NACA: variants seen among roughly 807,000 people sequenced by gnomAD.
NACA encodes nascent polypeptide-associated complex subunit alpha.
In NACA, 42 loss-of-function variants were observed where a neutral mutation model predicts 86.4. The observed-to-expected ratio is 0.49, with a 90% CI of 0.38 to 0.63. The LOEUF (loss-of-function observed/expected upper bound fraction) is 0.63, where lower values mean the gene tolerates loss of function less well. NACA is among the 20% of genes least tolerant of loss of function. NACA has a pLI of 0.00. For synonymous variants in NACA, 898 were observed against 973.7 expected (o/e 0.92, Z 1.45); for missense variants, 2,157 against 2,483.6 (o/e 0.87, Z 2.80).
Position 56,717,336 on chromosome 12 carries a change from G to C in NACA, c.4194C>G (p.Pro1398=). The C allele has an allele frequency of 1.5e-6, 2 of 1,369,104 alleles. No homozygotes were observed. The highest frequency in any genetic ancestry group is 6.5e-5 in the East Asian group (2 of 30,860). 84.8% of individuals were successfully genotyped at this position (1,369,104 alleles called of 1,614,324 possible). ...SPKRGPAIPS[P]KGDPTSPAVI... ...CTGCTGGGGAAGTGGGGTCCCCTTT[G>C]GGAGATGGGATAGCTGGTCCTCTTT... The change falls in exon 3 of 9, where the codon CCC becomes CCG. Residue 1398 remains proline, a synonymous_variant. Transcript: ENST00000454682.
chr12:56,719,169 C>CA lies in NACA; in HGVS notation c.2360dup (p.Thr788AspfsTer5). ...GAGATGGGGAATCAGCTAGGTAAGT[C>CA]AGAGTTCCTTTGGAAGATGCAGTAG... On this transcript the variant is annotated frameshift_variant, in exon 3 of 9. Transcript: ENST00000454682. LOFTEE classifies it high-confidence loss of function. 1 of 1,468,298 alleles carries CA rather than the reference C, an allele frequency of 6.8e-7. No individual in the cohort carries two copies. Among genetic ancestry groups the CA allele is most frequent in the Non-Finnish European group, 9.2e-7 (1 of 1,085,860 alleles). The allele number at this position is 1,468,298 out of a possible 1,614,324, so 91.0% of individuals were successfully genotyped here.
chr12:56,714,048 T>C (rs966909423), intron 5 of NACA: 5 of 381,548 alleles, frequency 1.3e-5, no homozygotes, highest in East Asian at 1.1e-4. Flanking sequence ...GGTTTCGCCA[T>C]GTTGGCCAGG....
chr12:56,712,478 A>T lies in NACA; in HGVS notation c.*60T>A. 6.4e-7 allele frequency: 1 copy of T among 1,552,806 alleles called. No individual in the cohort carries two copies. The highest frequency in any genetic ancestry group is 1.7e-5 in the Admixed American group (1 of 57,326). On this transcript the variant is annotated 3_prime_UTR_variant, in exon 9 of 9. Coordinates refer to ENST00000454682, the MANE Select transcript of NACA (RefSeq NM_001365896.1). Reference sequence around the variant, plus strand: ...CTTTATTTATGATAGAAACAGTACAAATTTCAAACCAAGCTGCAGTTACTC... The same window carrying T: ...CTTTATTTATGATAGAAACAGTACATATTTCAAACCAAGCTGCAGTTACTC...
chr12:56,713,372 T>TAG (rs1953267791), intron 6 of NACA, 165 bp downstream of exon 6: 9 of 1,181,860 alleles, frequency 7.6e-6, no homozygotes, highest in Admixed American at 2.6e-5. Context: ...AACTAGGGGG[T>TAG]AGTTAGGTCT....
At position 56,719,512 on chromosome 12, in the gene NACA, G is replaced by C; in HGVS notation, c.2018C>G (p.Ala673Gly). The C allele has an allele frequency of 1.9e-6, 3 of 1,613,942 alleles. No homozygotes were observed. The highest frequency in any genetic ancestry group is 8.5e-7 in the Non-Finnish European group (1 of 1,179,874). ...AKGTSTYTTTASPFLEGTVSL... is the reference protein window; with the variant it reads ...AKGTSTYTTTGSPFLEGTVSL... The stretch of plus-strand genomic sequence containing the variant: ...GACAGTTCCTTCTAGAAAAGGGCTG[G>C]CTGTAGTTGTATAAGTTGAGGTACC... The change falls in exon 3 of 9, where the codon GCC (alanine) becomes GGC (glycine). Residue 673 changes from alanine to glycine, a missense_variant. By Grantham distance (60) the Ala-to-Gly change is moderately conservative. Coordinates refer to ENST00000454682, the MANE Select transcript of NACA (RefSeq NM_001365896.1).
chr12:56,721,647 G>A (rs1461086411), intron 2 of NACA, among the ~76,000 whole-genome samples, 188 bp from the exon 3 acceptor site: 3 of 152,124 alleles, frequency 2.0e-5, no homozygotes, highest in African/African-American at 7.2e-5. Context: ...ATTTTTCAGT[G>A]GTCAAGTGAG....
chr12:56,715,077 C>G (rs1346640593), intron 3 of NACA, among the ~76,000 whole-genome samples: 1 of 152,178 alleles, frequency 6.6e-6, no homozygotes, highest in African/African-American at 2.4e-5. Flanking sequence ...CCCAGATACA[C>G]TTAAGTGAAA....
intron 3 of NACA, among the ~76,000 whole-genome samples, chr12:56,715,023 C>T (rs1012285035): frequency 4.6e-5 from 7 of 152,154 alleles, no homozygotes; most frequent in African/African-American, 1.7e-4. Flanking sequence ...TAAAATTTTA[C>T]CCAATAGTCC....
In NACA at chr12:56,721,120, A is replaced by T. The variant is rs999502399; in HGVS notation, c.410T>A (p.Leu137Ter). ...GTGGGGAGCCAGGGCAACCAGAGCT[A>T]AGGGAGCTGAAGAGGAAGGGGTCCC... ...LKGTPSSSAPLALVALAPHSV... is the reference protein window; with the variant it reads ...LKGTPSSSAP The change falls in exon 3 of 9, where the codon TTA becomes TAA. Residue 137 changes from leucine to a stop codon, truncating the protein, a stop_gained. Coordinates refer to ENST00000454682, the MANE Select transcript of NACA (RefSeq NM_001365896.1). LOFTEE classifies it high-confidence loss of function. The T allele has an allele frequency of 1.2e-5, 19 of 1,613,730 alleles. No individual in the cohort carries two copies. The highest frequency in any genetic ancestry group is 1.5e-5 in the Non-Finnish European group (18 of 1,179,824).
intron 2 of NACA, among the ~76,000 whole-genome samples, chr12:56,722,447 C>G (rs773999938): frequency 1.3e-5 from 2 of 152,128 alleles, no homozygotes; most frequent in South Asian, 2.1e-4. Flanking sequence ...CCCAGCACTT[C>G]GGGATGCCTG....
At chr12:56,714,737 A>C in intron 3 of NACA, 50 bp from the exon 4 acceptor site, 1 of 1,555,096 alleles carries the variant, frequency 6.4e-7, no homozygotes, top group Non-Finnish European at 8.9e-7. Context: ...TTATAAGAGA[A>C]GGTACTTCAC....
chr12:56,720,482 A>G lies in NACA; in HGVS notation c.1048T>C (p.Tyr350His). Reference sequence around the variant, plus strand: ...GGAATTACAGATCTCTGAGAAGGATAAGAGGCCCCTGTGGAAGAATGATCT... The same window carrying G: ...GGAATTACAGATCTCTGAGAAGGATGAGAGGCCCCTGTGGAAGAATGATCT... Reference protein sequence around the residue: ...SVDHSSTGASYPSQRSVIPPL... With the variant: ...SVDHSSTGASHPSQRSVIPPL... Residue 350 changes from tyrosine (Y) to histidine (H), a missense_variant, in exon 3 of 9, where the codon TAT (tyrosine) becomes CAT (histidine). Transcript: ENST00000454682. 6.2e-7 allele frequency: 1 copy of G among 1,613,800 alleles called. No homozygotes were observed.
At chr12:56,714,316 G>A (rs1235427769) in intron 5 of NACA, 46 bp downstream of exon 5, 2 of 1,580,272 alleles carry the variant, frequency 1.3e-6, no homozygotes, top group Non-Finnish European at 1.7e-6. Context: ...GTTCCACTCT[G>A]TATAAAGGTG....
Position 56,712,792 on chromosome 12 carries a change from C to G in NACA, c.6216G>C (p.Ala2072=), listed in dbSNP as rs760650214. Residue 2072 remains alanine, a synonymous_variant, in exon 8 of 9, where the codon GCG becomes GCC. Transcript: ENST00000454682. ...CAAAGGCTTGAACACTTACCATAATCGCATTTACAATATCATTACTGTTGT... is the reference window on the plus strand; with the variant it reads ...CAAAGGCTTGAACACTTACCATAATGGCATTTACAATATCATTACTGTTGT... The part of the protein sequence containing the change: ...LKNNSNDIVN[A]IMELTM 1 of 1,614,184 alleles carries G rather than the reference C, an allele frequency of 6.2e-7. No homozygotes were observed. Among genetic ancestry groups the G allele is most frequent in the African/African-American group, 1.3e-5 (1 of 75,042 alleles).
At chr12:56,715,104 G>A (rs1056613449) in intron 3 of NACA, among the ~76,000 whole-genome samples, 7 of 152,162 alleles carry the variant, frequency 4.6e-5, no homozygotes, top group Non-Finnish European at 1.0e-4. Context: ...AAATCACACC[G>A]TGGAGGCACA....
At chr12:56,713,785 TGAGAA>T (rs1953277956) in intron 5 of NACA, 102 bp from the exon 6 acceptor site, 2 of 1,187,420 alleles carry the variant, frequency 1.7e-6, no homozygotes, top group South Asian at 2.9e-5. Context: ...TTCCCCAGGC[TGAGAA>T]AAGTTCATAC....
rs146807178 is a variant in NACA, at chr12:56,720,807, G to A, written c.723C>T (p.Ile241=). ...TGGTATCTTTGACTTGAGGGGAAGC[G>A]ATGGCTAGGGTAGTTGTGGGTGTTG... ...PQTTPTTTLA[I]ASPQVKDTTI... is the part of the protein sequence containing the mutation. The change falls in exon 3 of 9, where the codon ATC becomes ATT. Residue 241 remains isoleucine, a synonymous_variant. Coordinates refer to ENST00000454682, the MANE Select transcript of NACA (RefSeq NM_001365896.1). 8.7e-6 allele frequency: 14 copies of A among 1,613,992 alleles called. No individual in the cohort carries two copies. Among genetic ancestry groups the A allele is most frequent in the South Asian group, 3.3e-5 (3 of 91,086 alleles).
chr12:56,713,783 G>T, intron 5 of NACA, 100 bp from the exon 6 acceptor site: 2 of 1,198,708 alleles, frequency 1.7e-6, no homozygotes, highest in Non-Finnish European at 2.4e-6. Context: ...CTTTCCCCAG[G>T]CTGAGAAAAG....
At chr12:56,713,479 G>C in intron 6 of NACA, 58 bp downstream of exon 6, 1 of 1,576,008 alleles carries the variant, frequency 6.3e-7, no homozygotes, top group Non-Finnish European at 8.7e-7. Flanking sequence ...CAAAATGTCA[G>C]CAGTGCTGAG....
Sources: allele counts gnomAD v4.1 joint callset (sites outside exome capture counted in the v4.1 genomes callset), GRCh38; gene constraint gnomAD v4.1.1; transcripts MANE v1.5; gene names NCBI Gene and HGNC (gene_info 2026-07-23, HGNC 2026-07-21).